Variants in FAM167A observed in about 807,000 individuals in gnomAD.
The protein encoded by FAM167A is protein FAM167A.
In FAM167A, 23 loss-of-function variants were observed where a neutral mutation model predicts 14.9. That is an observed-to-expected ratio of 1.55 (90% CI 1.11 to 2.19). The LOEUF (loss-of-function observed/expected upper bound fraction) is 2.19, where lower values mean the gene tolerates loss of function less well. FAM167A is among the 30% of genes most tolerant of loss of function. The pLI, the probability that FAM167A is intolerant of heterozygous loss-of-function variation, is 0.00. For missense variants in FAM167A, 401 were observed against 281.5 expected (o/e 1.42, Z -3.04); for synonymous variants, 174 against 117.7 (o/e 1.48, Z -3.10).
upstream of FAM167A, among the ~76,000 whole-genome samples, chr8:11,471,830 C>T (rs1450330895): frequency 1.3e-5 from 2 of 152,140 alleles, no homozygotes; most frequent in African/African-American, 4.8e-5. Context: ...TGTGTGGCCT[C>T]TTCCTGGTCT....
intron 1 of FAM167A, chr8:11,445,651 C>G (rs780608790): frequency 2.1e-6 from 2 of 974,638 alleles, no homozygotes; most frequent in Non-Finnish European, 2.4e-6. Flanking sequence ...CAGCTCCTAC[C>G]CCATAACATC....
chr8:11,455,069 C>A lies in FAM167A; in HGVS notation c.-397-10261G>T, dbSNP rs532758215. 2.6e-5 allele frequency among the ~76,000 whole-genome samples: 4 copies of A among 152,324 alleles called. No homozygotes were observed. The East Asian group carries it at 7.7e-4, about 29-fold the overall frequency. On this transcript the variant is annotated intron_variant, in intron 1 of 2. Coordinates refer to ENST00000284486, the MANE Select transcript of FAM167A (RefSeq NM_053279.3). ...AGGAGCCCTGACATGGAGATGACAT[C>A]CTGCCGAGACCTGACCCCGGCCCCA...
intron 2 of FAM167A, among the ~76,000 whole-genome samples, chr8:11,432,121 T>G (rs1314145046): frequency 1.3e-5 from 2 of 152,160 alleles, no homozygotes; most frequent in East Asian, 3.9e-4. Context: ...CACTGAGTGA[T>G]TTCTTCACAT....
intron 1 of FAM167A, among the ~76,000 whole-genome samples, chr8:11,465,669 A>C (rs1807734393): frequency 6.6e-6 from 1 of 152,122 alleles, no homozygotes; most frequent in South Asian, 2.1e-4. Context: ...CACGCTCTCC[A>C]CGCTCCATCC....
chr8:11,453,908 G>C (rs1807127548), intron 1 of FAM167A, among the ~76,000 whole-genome samples: 2 of 152,192 alleles, frequency 1.3e-5, no homozygotes, highest in African/African-American at 4.8e-5. Flanking sequence ...CCAGCCTAAG[G>C]CCCGGGGCTC....
In FAM167A at chr8:11,423,889, C is replaced by G. The variant is rs1804943870; in HGVS notation, c.*484G>C. On this transcript the variant is annotated 3_prime_UTR_variant, in exon 3 of 3. Transcript: ENST00000284486. ...CCTGTCAATGTTGCTGAGTCATGTA[C>G]TTAGGGTGAATTTGAGACAATACTT... 1 of 169,128 alleles carries G rather than the reference C, an allele frequency of 5.9e-6. No individual in the cohort carries two copies. Among genetic ancestry groups the G allele is most frequent in the South Asian group, 1.5e-4 (1 of 6,470 alleles). 10.5% of individuals were successfully genotyped at this position (169,128 alleles called of 1,614,324 possible). A position where few individuals can be genotyped will look rare whatever the true frequency, so the allele number is the denominator to read the frequency against.
At chr8:11,452,430 T>C (rs1174921310) in intron 1 of FAM167A, among the ~76,000 whole-genome samples, 3 of 152,184 alleles carry the variant, frequency 2.0e-5, no homozygotes, top group Non-Finnish European at 4.4e-5. Context: ...CTGTGCTCTT[T>C]TGGGAGTGGT....
intron 2 of FAM167A, among the ~76,000 whole-genome samples, chr8:11,437,696 G>A (rs1380876543): frequency 6.6e-6 from 1 of 152,180 alleles, no homozygotes; most frequent in Non-Finnish European, 1.5e-5. Flanking sequence ...TGCATTTTTA[G>A]CAAACGCTCT....
At chr8:11,441,263 G>C (rs563353827) in intron 2 of FAM167A, among the ~76,000 whole-genome samples, 1 of 152,324 alleles carries the variant, frequency 6.6e-6, no homozygotes, top group Admixed American at 6.5e-5. Context: ...GGGATCCCTG[G>C]GTCTGTCCTC....
In FAM167A at chr8:11,424,374, C is replaced by T; in HGVS notation, c.644G>A (p.Ter215=). ...CCCTCCGCCCAGTCTGAGGGCTCCTCAGCAGAGAGAGAACCTCCGAGAGTT... is the reference window on the plus strand; with the variant it reads ...CCCTCCGCCCAGTCTGAGGGCTCCTTAGCAGAGAGAGAACCTCCGAGAGTT... ...NINSRRFSLC[*] The change falls in exon 3 of 3, where the codon TGA becomes TAA. Residue 215 remains the stop codon, a stop_retained_variant. Transcript: ENST00000284486. 4 of 1,614,026 alleles carry T rather than the reference C, an allele frequency of 2.5e-6. No homozygotes were observed. In the South Asian group the frequency reaches 4.4e-5, roughly 18 times the overall value.
rs757923888 is a variant in FAM167A at position 11,424,139 on chromosome 8, T to C, written c.*234A>G. The C allele has an allele frequency of 1.1e-5, 6 of 554,570 alleles. No homozygotes were observed. Among genetic ancestry groups the C allele is most frequent in the Non-Finnish European group, 1.9e-5 (6 of 312,444 alleles). 34.4% of individuals were successfully genotyped at this position (554,570 alleles called of 1,614,324 possible). A position where few individuals can be genotyped will look rare whatever the true frequency, so the allele number is the denominator to read the frequency against. ...TTTAACATCTTGGTTGGAGCGGCCC[T>C]TCTGCAGAGCTCTTTGGGTAGTAAG... On this transcript the variant is annotated 3_prime_UTR_variant, in exon 3 of 3. Coordinates refer to ENST00000284486, the MANE Select transcript of FAM167A (RefSeq NM_053279.3).
chr8:11,454,268 C>T (rs1016273157), intron 1 of FAM167A, among the ~76,000 whole-genome samples: 1 of 152,232 alleles, frequency 6.6e-6, no homozygotes, highest in Non-Finnish European at 1.5e-5. Context: ...TCTGTTTCCT[C>T]TGCTGAGCCT....
chr8:11,472,959 A>G (rs565129959), intron 1 of FAM167A, among the ~76,000 whole-genome samples: 1 of 152,334 alleles, frequency 6.6e-6, no homozygotes, highest in South Asian at 2.1e-4. Flanking sequence ...CAGCAAGATA[A>G]AAGAAACAGG....
At position 11,421,946 on chromosome 8, in the gene FAM167A, G is replaced by A. The variant is rs532069148; in HGVS notation, c.*2427C>T. 1.5e-5 allele frequency: 6 copies of A among 397,822 alleles called. No individual in the cohort carries two copies. In the South Asian group the frequency reaches 6.8e-4, roughly 45 times the overall value. 24.6% of individuals were successfully genotyped at this position (397,822 alleles called of 1,614,324 possible). A position where few individuals can be genotyped will look rare whatever the true frequency, so the allele number is the denominator to read the frequency against. On this transcript the variant is annotated 3_prime_UTR_variant, in exon 3 of 3. Coordinates refer to ENST00000284486, the MANE Select transcript of FAM167A (RefSeq NM_053279.3). ...AGTTGTGTTCACTGTGCAAAGTAAG[G>A]AAGCCAGTCAACACTGGACGATGTT...
rs1804962693 is a variant in FAM167A, at chr8:11,424,156, G to A, written c.*217C>T. ...AGCGGCCCTTCTGCAGAGCTCTTTG[G>A]GTAGTAAGCAAGAGCCAGTCACAGA... is the stretch of plus-strand genomic sequence containing the variant. On this transcript the variant is annotated 3_prime_UTR_variant, in exon 3 of 3. Coordinates refer to ENST00000284486, the MANE Select transcript of FAM167A (RefSeq NM_053279.3). 3.4e-6 allele frequency: 2 copies of A among 591,888 alleles called. No homozygotes were observed. The highest frequency in any genetic ancestry group is 1.9e-5 in the African/African-American group (1 of 53,686). 36.7% of individuals were successfully genotyped at this position (591,888 alleles called of 1,614,324 possible). A position where few individuals can be genotyped will look rare whatever the true frequency, so the allele number is the denominator to read the frequency against.
intron 1 of FAM167A, among the ~76,000 whole-genome samples, chr8:11,473,797 C>G (rs916706840): frequency 2.6e-5 from 4 of 152,160 alleles, no homozygotes; most frequent in African/African-American, 9.7e-5. Context: ...TAGAAAATGC[C>G]TGACAGTCTT....
At chr8:11,444,943 C>T (rs926704388) in intron 1 of FAM167A, 135 bp from the exon 2 acceptor site, 56 of 756,342 alleles carry the variant, frequency 7.4e-5, no homozygotes, top group Admixed American at 1.3e-4. Flanking sequence ...TAGTCCGGGA[C>T]GGAAGTGAGA....
chr8:11,472,254 C>T (rs938576166), upstream of FAM167A, among the ~76,000 whole-genome samples: 4 of 152,104 alleles, frequency 2.6e-5, no homozygotes, highest in African/African-American at 9.7e-5. Context: ...TCCTGCCCCT[C>T]TCCATTGTGA....
chr8:11,467,050 T>A (rs558285082), upstream of FAM167A, among the ~76,000 whole-genome samples: 6 of 152,336 alleles, frequency 3.9e-5, no homozygotes, highest in African/African-American at 1.4e-4. Context: ...TGTGGCAACG[T>A]GACTGCGCCA....
Sources: allele counts gnomAD v4.1 joint callset (sites outside exome capture counted in the v4.1 genomes callset), GRCh38; gene constraint gnomAD v4.1.1; transcripts MANE v1.5; gene names NCBI Gene and HGNC (gene_info 2026-07-23, HGNC 2026-07-21).